The following MYO10 variants were observed in gnomAD, a reference collection of about 807,000 sequenced individuals.
The protein encoded by MYO10 is myosin X, also known as unconventional myosin-X.
A neutral mutation model predicts 257.3 loss-of-function variants in MYO10; 133 were observed. The ratio of observed to expected loss-of-function variants is 0.52; its 90% CI spans 0.45 to 0.60. The LOEUF (loss-of-function observed/expected upper bound fraction) is 0.60, where lower values mean the gene tolerates loss of function less well. MYO10 is among the 20% of genes least tolerant of loss of function. The pLI is 0.00. For synonymous variants in MYO10, 1,104 were observed against 1,028.6 expected (o/e 1.07, Z -1.40); for missense variants, 2,399 against 2,635.7 (o/e 0.91, Z 1.97).
At chr5:16,788,914 G>A (rs1741671562) in intron 4 of MYO10, among the ~76,000 whole-genome samples, 1 of 152,146 alleles carries the variant, frequency 6.6e-6, no homozygotes, top group South Asian at 2.1e-4. Flanking sequence ...CAATCCAGTT[G>A]AGAGAGAGGT....
At chr5:16,688,314 A>G (rs1222228328) in intron 28 of MYO10, among the ~76,000 whole-genome samples, 1 of 152,196 alleles carries the variant, frequency 6.6e-6, no homozygotes, top group African/African-American at 2.4e-5. Flanking sequence ...TGTTGCTATC[A>G]TGGTACTGTA....
intron 21 of MYO10, among the ~76,000 whole-genome samples, chr5:16,708,541 G>A (rs759165140): frequency 6.6e-6 from 1 of 152,132 alleles, no homozygotes. Context: ...AGGCAGTGAG[G>A]TGACTCGTTT....
chr5:16,895,734 G>A lies in MYO10; in HGVS notation c.22-18027C>T, dbSNP rs1005071769. 7.6e-5 allele frequency among the ~76,000 whole-genome samples: 10 copies of A among 131,736 alleles called. 1 individual carries two copies. The East Asian group carries it at 2.0e-3, about 27-fold the overall frequency. 86.4% of individuals were successfully genotyped at this position (131,736 alleles called of 152,430 possible). A position where few individuals can be genotyped will look rare whatever the true frequency, so the allele number is the denominator to read the frequency against. ...AAATACTCTGGCCATGATGTAAGCC[G>A]CCCCCTCCCCAACACCACAACACAC... On this transcript the variant is annotated intron_variant, in intron 1 of 40. Coordinates refer to ENST00000513610, the MANE Select transcript of MYO10 (RefSeq NM_012334.3).
chr5:16,824,221 A>G (rs922683426), intron 2 of MYO10, among the ~76,000 whole-genome samples: 3 of 152,164 alleles, frequency 2.0e-5, no homozygotes, highest in African/African-American at 7.2e-5. Flanking sequence ...TAGATGACAT[A>G]CAGAGTATTC....
chr5:16,888,717 G>T (rs1033535080), intron 1 of MYO10, among the ~76,000 whole-genome samples: 3 of 151,526 alleles, frequency 2.0e-5, no homozygotes, highest in African/African-American at 7.3e-5. Context: ...ACTCCAGCCT[G>T]AACAAGATAA....
chr5:16,871,204 C>T (rs1401972644), intron 2 of MYO10, among the ~76,000 whole-genome samples: 1 of 152,150 alleles, frequency 6.6e-6, no homozygotes, highest in Non-Finnish European at 1.5e-5. Context: ...CTCAGAAATA[C>T]CAATATCTTA....
intron 19 of MYO10, among the ~76,000 whole-genome samples, chr5:16,734,146 G>A (rs1219670576): frequency 1.3e-5 from 2 of 151,846 alleles, no homozygotes; most frequent in South Asian, 4.2e-4. Flanking sequence ...AGGAGTATAT[G>A]CTCCTAAATC....
intron 1 of MYO10, among the ~76,000 whole-genome samples, chr5:16,910,301 G>C (rs1745626114): frequency 6.6e-6 from 1 of 152,102 alleles, no homozygotes; most frequent in Non-Finnish European, 1.5e-5. Flanking sequence ...AATCCAGTTT[G>C]TCTTTGTTTT....
chr5:16,871,712 G>A (rs868849843), intron 2 of MYO10, among the ~76,000 whole-genome samples: 3 of 152,172 alleles, frequency 2.0e-5, no homozygotes, highest in Admixed American at 6.6e-5. Flanking sequence ...ATTCCTGCAT[G>A]TTCCACAGTG....
chr5:16,860,325 G>A (rs1319251272), intron 2 of MYO10, among the ~76,000 whole-genome samples: 1 of 152,150 alleles, frequency 6.6e-6, no homozygotes, highest in Non-Finnish European at 1.5e-5. Context: ...GTTTGGGGTA[G>A]GGGACACAGT....
At chr5:16,903,182 G>A (rs1431378396) in intron 1 of MYO10, among the ~76,000 whole-genome samples, 3 of 152,186 alleles carry the variant, frequency 2.0e-5, no homozygotes, top group South Asian at 2.1e-4. Context: ...CAAGGCGGGC[G>A]GATCATGAGG....
rs550145270 is a variant in MYO10 at position 16,920,028 on chromosome 5, T to C, written c.21+15760A>G. 5.9e-5 allele frequency among the ~76,000 whole-genome samples: 9 copies of C among 152,242 alleles called. No individual in the cohort carries two copies. The East Asian group carries it at 1.7e-3, about 29-fold the overall frequency. On this transcript the variant is annotated intron_variant, in intron 1 of 40. Coordinates refer to ENST00000513610, the MANE Select transcript of MYO10 (RefSeq NM_012334.3). ...CGGGAGGCTGAGGCAGGAGAATCAC[T>C]TGAACCCAGGAGGCGGAGACTGCGG...
chr5:16,742,233 C>T (rs1740042818), intron 19 of MYO10: 3 of 985,408 alleles, frequency 3.0e-6, no homozygotes, highest in African/African-American at 3.5e-5. Context: ...TTTGCTGGTG[C>T]TGAGCTTCAC....
In MYO10 at chr5:16,815,388, G is replaced by C. The variant is rs1742572569; in HGVS notation, c.279+2621C>G. 1.0e-5 allele frequency: 7 copies of C among 689,450 alleles called. No homozygotes were observed. In the East Asian group the frequency reaches 1.9e-4, roughly 19 times the overall value. 42.7% of individuals were successfully genotyped at this position (689,450 alleles called of 1,614,324 possible). On this transcript the variant is annotated intron_variant, in intron 3 of 40. Coordinates refer to ENST00000513610, the MANE Select transcript of MYO10 (RefSeq NM_012334.3). ...AGCATTTCCTTTCAGCAACACATCA[G>C]CATGCAAAATGTCTTGGATTTTGAA...
intron 26 of MYO10, among the ~76,000 whole-genome samples, chr5:16,699,242 C>G (rs146146851): frequency 6.4e-4 from 98 of 152,232 alleles, no homozygotes; most frequent in African/African-American, 2.1e-3. Context: ...CCACAGCACC[C>G]ATGTCACACC....
chr5:16,898,116 C>T (rs568759329), intron 1 of MYO10, among the ~76,000 whole-genome samples: 3 of 152,140 alleles, frequency 2.0e-5, no homozygotes, highest in South Asian at 2.1e-4. Context: ...GGAAAAGCAG[C>T]GAGAATGACC....
At chr5:16,736,176 G>A (rs1739793365) in intron 19 of MYO10, among the ~76,000 whole-genome samples, 1 of 152,164 alleles carries the variant, frequency 6.6e-6, no homozygotes, top group Non-Finnish European at 1.5e-5. Context: ...GTAGCGACAG[G>A]CTGGAACAAG....
chr5:16,868,271 T>C (rs1320611175), intron 2 of MYO10, among the ~76,000 whole-genome samples: 1 of 152,194 alleles, frequency 6.6e-6, no homozygotes, highest in Non-Finnish European at 1.5e-5. Flanking sequence ...CTTACCCTTT[T>C]ACATGAGTTG....
At chr5:16,718,265 C>G (rs961392056) in intron 19 of MYO10, among the ~76,000 whole-genome samples, 1 of 152,340 alleles carries the variant, frequency 6.6e-6, no homozygotes, top group East Asian at 1.9e-4. Context: ...GCGGCCGGAG[C>G]CTCCCTGACG....
Sources: gnomAD v4.1 joint callset for allele counts (sites outside exome capture counted in the v4.1 genomes callset) on GRCh38, gnomAD v4.1.1 for gene constraint, MANE v1.5 for transcripts, NCBI Gene and HGNC (gene_info 2026-07-23, HGNC 2026-07-21) for gene names.